The following HIVEP2 variants were observed in gnomAD, a reference collection of about 807,000 sequenced individuals.
The protein encoded by HIVEP2 is transcription factor HIVEP2.
A neutral mutation model predicts 180.7 loss-of-function variants in HIVEP2; 14 were observed. That is an observed-to-expected ratio of 0.08 (90% CI 0.05 to 0.12). The LOEUF is 0.12. Among genes scored for constraint, HIVEP2 ranks in the 10% least tolerant of loss-of-function variants. The pLI, the probability that HIVEP2 is intolerant of heterozygous loss-of-function variation, is 1.00. For missense variants in HIVEP2, 2,579 were observed against 3,008.5 expected, an observed-to-expected ratio of 0.86 and a Z score of 3.34; for synonymous variants, 1,184 against 1,136.4, an observed-to-expected ratio of 1.04 and a Z score of -0.84.
At chr6:142,874,066 A>C (rs147985712) in intron 1 of HIVEP2, among the ~76,000 whole-genome samples, 221 of 152,316 alleles carry the variant, frequency 1.5e-3, no homozygotes, top group African/African-American at 5.1e-3. Flanking sequence ...TTCTGAAGAT[A>C]AGCAGGAAGA....
rs1775489690 is a variant in HIVEP2, at chr6:142,770,162, T to C, written c.4577A>G (p.Tyr1526Cys). ...SSLSPSSSQD[Y>C]PSVSPSSREP... ...CCTGGAAGACGGGCTAACAGAAGGA[T>C]AGTCTTGAGATGAGGAGGGCGACAG... is the stretch of plus-strand genomic sequence containing the variant. Residue 1526 changes from tyrosine (Y) to cysteine (C), a missense_variant, in exon 5 of 10, where the codon TAT becomes TGT. This residue lies in a region of HIVEP2 where 349 missense variants were observed against 367.2 expected (regional missense o/e 0.95). Transcript: ENST00000367603. This position sits in a 1 kb window ranked among gnomAD's most constrained non-coding sequence, Gnocchi z 4.7. 3 of 1,614,130 alleles carry C rather than the reference T, an allele frequency of 1.9e-6. No homozygotes were observed. Among genetic ancestry groups the C allele is most frequent in the Non-Finnish European group, 2.5e-6 (3 of 1,180,036 alleles).
chr6:142,881,751 C>G (rs1267688609), intron 1 of HIVEP2, among the ~76,000 whole-genome samples: 3 of 152,256 alleles, frequency 2.0e-5, no homozygotes, highest in African/African-American at 7.2e-5. Context: ...CATACTATGC[C>G]TCCTCAGAGA....
intron 1 of HIVEP2, among the ~76,000 whole-genome samples, chr6:142,917,475 A>G (rs1314306141): frequency 6.6e-6 from 1 of 152,252 alleles, no homozygotes; most frequent in Non-Finnish European, 1.5e-5. Context: ...GTGCATGTGG[A>G]TTCCAAATAA....
At chr6:142,884,978 T>A (rs568765096) in intron 1 of HIVEP2, among the ~76,000 whole-genome samples, 1 of 152,152 alleles carries the variant, frequency 6.6e-6, no homozygotes. Context: ...TACCCAAGCA[T>A]ATAGAGATTA....
intron 1 of HIVEP2, among the ~76,000 whole-genome samples, chr6:142,902,231 A>C (rs2128425816): frequency 6.6e-6 from 1 of 152,322 alleles, no homozygotes; most frequent in South Asian, 2.1e-4. Flanking sequence ...AAGTGATCAA[A>C]GTTAATATTA....
At chr6:142,803,730 A>G (rs1776474683) in intron 2 of HIVEP2, among the ~76,000 whole-genome samples, 1 of 152,134 alleles carries the variant, frequency 6.6e-6, no homozygotes, top group African/African-American at 2.4e-5. Context: ...AGGACAGGAG[A>G]GAGAACAATG....
chr6:142,886,294 A>G (rs2128419033), intron 1 of HIVEP2, among the ~76,000 whole-genome samples: 1 of 152,350 alleles, frequency 6.6e-6, no homozygotes, highest in East Asian at 1.9e-4. Context: ...TAACTAAGAC[A>G]AATTCTGGTT....
At chr6:142,758,124 A>C (rs1038478794) in intron 9 of HIVEP2, among the ~76,000 whole-genome samples, 1 of 152,214 alleles carries the variant, frequency 6.6e-6, no homozygotes. Flanking sequence ...TTCTCTATTC[A>C]TGCTGCAATG....
chr6:142,779,500 G>A (rs1283261476), intron 3 of HIVEP2: 2 of 152,216 alleles, frequency 1.3e-5, no homozygotes, highest in African/African-American at 4.8e-5. Flanking sequence ...TGTACCTGTA[G>A]TCTCAGCTGC....
chr6:142,795,539 T>C (rs1386824057), intron 2 of HIVEP2, among the ~76,000 whole-genome samples: 1 of 152,188 alleles, frequency 6.6e-6, no homozygotes, highest in African/African-American at 2.4e-5. Context: ...CTGAGGGCCT[T>C]AGATAAGGTG....
chr6:142,803,158 A>G (rs1463949625), intron 2 of HIVEP2, among the ~76,000 whole-genome samples: 1 of 152,168 alleles, frequency 6.6e-6, no homozygotes, highest in Non-Finnish European at 1.5e-5. Flanking sequence ...TCTATGAAGT[A>G]TAAGTTTAAA....
chr6:142,799,220 C>A (rs1345325621), intron 2 of HIVEP2, among the ~76,000 whole-genome samples: 3 of 152,104 alleles, frequency 2.0e-5, no homozygotes, highest in Non-Finnish European at 4.4e-5. Flanking sequence ...AACATTACTA[C>A]ATAGAATATA....
chr6:142,933,751 A>ATATTC (rs1777991066), intron 1 of HIVEP2, among the ~76,000 whole-genome samples: 1 of 152,200 alleles, frequency 6.6e-6, no homozygotes, highest in Non-Finnish European at 1.5e-5. Flanking sequence ...ATTATTTGTT[A>ATATTC]TATTCTATAC....
chr6:142,924,841 A>G (rs548691941), intron 1 of HIVEP2, among the ~76,000 whole-genome samples: 6 of 152,348 alleles, frequency 3.9e-5, no homozygotes, highest in Non-Finnish European at 7.3e-5. Flanking sequence ...CCTGGTGATT[A>G]TGAGATTCAA....
At chr6:142,917,763 T>A (rs1777593023) in intron 1 of HIVEP2, among the ~76,000 whole-genome samples, 1 of 152,042 alleles carries the variant, frequency 6.6e-6, no homozygotes, top group Non-Finnish European at 1.5e-5. Flanking sequence ...CTTCTCAAAA[T>A]CATAATATGC....
At chr6:142,835,036 T>G (rs117547371) in intron 2 of HIVEP2, among the ~76,000 whole-genome samples, 684 of 152,236 alleles carry the variant, frequency 4.5e-3, no homozygotes, top group Non-Finnish European at 6.2e-3. Context: ...GTTGACAGGC[T>G]AAAGAATCAG....
intron 2 of HIVEP2, among the ~76,000 whole-genome samples, chr6:142,836,525 T>C (rs553680146): frequency 1.8e-4 from 28 of 152,254 alleles, no homozygotes; most frequent in Admixed American, 5.9e-4. Context: ...TGGTTTAAAA[T>C]ACAGAAAGAT....
At chr6:142,871,726 C>T (rs1169068728) in intron 1 of HIVEP2, among the ~76,000 whole-genome samples, 2 of 152,064 alleles carry the variant, frequency 1.3e-5, no homozygotes, top group African/African-American at 4.8e-5. Flanking sequence ...TTACTACTAG[C>T]CACTGCAGGC....
rs751807229 is a variant in HIVEP2 at position 142,770,496 on chromosome 6, G to C, written c.4243C>G (p.Leu1415Val). 1 of 1,614,188 alleles carries C rather than the reference G, an allele frequency of 6.2e-7. No individual in the cohort carries two copies. Among genetic ancestry groups the C allele is most frequent in the Admixed American group, 1.7e-5 (1 of 60,026 alleles). ...PIWKAPQTLP[L>V]GLESSIPLCL... ...AAGGGGATGGAGGATTCTAAGCCGA[G>C]GGGCAAAGTCTGAGGTGCTTTCCAA... The change falls in exon 5 of 10, where the codon CTC becomes GTC. Residue 1415 changes from leucine (L) to valine (V), a missense_variant. Around this residue, in one of 11 missense-constraint regions of HIVEP2, gnomAD observed 523 missense variants for 577.0 expected, o/e 0.91. Coordinates refer to ENST00000367603, the MANE Select transcript of HIVEP2 (RefSeq NM_006734.4). This position sits in a 1 kb window ranked among gnomAD's most constrained non-coding sequence, Gnocchi z 4.7.
Sources: gnomAD v4.1 joint callset for allele counts (sites outside exome capture counted in the v4.1 genomes callset) on GRCh38, gnomAD v4.1.1 for gene constraint, gnomAD v4.1.1 regional missense constraint, Gnocchi (gnomAD v3.1) non-coding constraint, MANE v1.5 for transcripts, NCBI Gene and HGNC (gene_info 2026-07-23, HGNC 2026-07-21) for gene names.